The following HLA-DQB1 variants were observed in gnomAD, a reference collection of about 807,000 sequenced individuals.
The protein encoded by HLA-DQB1 is major histocompatibility complex, class II, DQ beta 1.
A neutral mutation model predicts 26.4 loss-of-function variants in HLA-DQB1; 13 were observed. The ratio of observed to expected loss-of-function variants is 0.49; its 90% CI spans 0.32 to 0.78. The LOEUF (loss-of-function observed/expected upper bound fraction) is 0.78, where lower values mean the gene tolerates loss of function less well. HLA-DQB1 is among the 30% of genes least tolerant of loss of function. HLA-DQB1 has a pLI of 0.03. For synonymous variants in HLA-DQB1, 60 were observed against 129.1 expected (o/e 0.46, Z 3.63); for missense variants, 158 against 326.2 (o/e 0.48, Z 3.97).
exon 3 of HLA-DQB1, chr6:32,661,981 A>G (rs762561499): frequency 1.4e-5 from 22 of 1,551,022 alleles, no homozygotes; most frequent in Admixed American, 1.9e-5. Context: ...CTCCACGGTG[A>G]TGGGGCTCTG....
At chr6:32,665,180 C>G (rs9274418) in intron 1 of HLA-DQB1, 113 bp from the exon 2 acceptor site, 84,608 of 541,776 alleles carry the variant, frequency 0.16, 15,240 homozygotes, top group Middle Eastern at 0.3. Flanking sequence ...AGTTCCCGCC[C>G]GCCCGTGCCT....
chr6:32,662,499 T>G (rs9274150), intron 2 of HLA-DQB1: 1 of 147,202 alleles, frequency 6.8e-6, no homozygotes, highest in Admixed American at 1.6e-4. Flanking sequence ...AAAAGAATGT[T>G]ATTTCAAAAG....
chr6:32,666,029 A>C (rs281861240), intron 1 of HLA-DQB1, among the ~76,000 whole-genome samples: 1 of 113,776 alleles, frequency 8.8e-6, no homozygotes. Context: ...TTGCCTCCAC[A>C]AATGCTCCAC....
At chr6:32,666,500 G>C in exon 1 of HLA-DQB1, 2 of 1,056,968 alleles carry the variant, frequency 1.9e-6, no homozygotes, top group South Asian at 1.5e-5. Flanking sequence ...TGCACTTACC[G>C]GGAGAGTCTC....
In HLA-DQB1 at chr6:32,661,884, G is replaced by A. The variant is rs1783089242; in HGVS notation, c.661+83C>T. 27 of 1,051,272 alleles carry A rather than the reference G, an allele frequency of 2.6e-5. 1 individual carries two copies. The Admixed American group carries it at 5.8e-4, about 23-fold the overall frequency. 65.1% of individuals were successfully genotyped at this position (1,051,272 alleles called of 1,614,324 possible). A position where few individuals can be genotyped will look rare whatever the true frequency, so the allele number is the denominator to read the frequency against. ...GATTCCCAGCTCAGTAGTGACATCAGGGATAAGAGATGGGAAGGAATGGGT... is the reference window on the plus strand; with the variant it reads ...GATTCCCAGCTCAGTAGTGACATCAAGGATAAGAGATGGGAAGGAATGGGT... On this transcript the variant is annotated intron_variant, in intron 3 of 4. Transcript: ENST00000434651.
At chr6:32,663,305 G>A (rs281863395) in intron 2 of HLA-DQB1, 1 of 151,388 alleles carries the variant, frequency 6.6e-6, no homozygotes, top group Non-Finnish European at 1.5e-5. Flanking sequence ...GCATTAGGAT[G>A]TGAGTCAAAA....
chr6:32,663,302 G>C (rs72844333), intron 2 of HLA-DQB1: 1 of 150,882 alleles, frequency 6.6e-6, no homozygotes. Flanking sequence ...CTGGCATTAG[G>C]ATGTGAGTCA....
intron 2 of HLA-DQB1, chr6:32,663,412 G>GGGACAAAAGTATCATTTTGT (rs1783406446): frequency 1.2e-5 from 1 of 83,640 alleles, no homozygotes; most frequent in Non-Finnish European, 2.7e-5. Context: ...AATTTTCAAT[G>GGGACAAAAGTATCATTTTGT]CCGCATTAAC....
chr6:32,661,629 T>C (rs9273752), intron 3 of HLA-DQB1, 172 bp from the exon 4 acceptor site: 2 of 450,764 alleles, frequency 4.4e-6, no homozygotes, highest in African/African-American at 2.2e-5. Flanking sequence ...TTGGATACAG[T>C]GAATAGGTGA....
chr6:32,663,566 T>A (rs9274251), intron 2 of HLA-DQB1: 105 of 147,844 alleles, frequency 7.1e-4, no homozygotes, highest in African/African-American at 2.6e-3. Context: ...TCTTGGTGAG[T>A]AATTGTGGGC....
intron 1 of HLA-DQB1, among the ~76,000 whole-genome samples, chr6:32,665,728 A>ATATCCATATTGG (rs370481100): frequency 7.2e-6 from 1 of 139,700 alleles, no homozygotes; most frequent in African/African-American, 2.6e-5. Flanking sequence ...CAGGTTATGT[A>ATATCCATATTGG]ACAGAATATC....
chr6:32,666,111 A>C (rs281861174), intron 1 of HLA-DQB1, among the ~76,000 whole-genome samples: 1 of 87,228 alleles, frequency 1.1e-5, no homozygotes, highest in African/African-American at 3.9e-5. Context: ...CACATTTTCC[A>C]ATGCAGGATC....
exon 4 of HLA-DQB1, chr6:32,661,364 C>T (rs1140342): frequency 0.46 from 467,884 of 1,011,366 alleles, 152,960 homozygotes; most frequent in Admixed American, 0.66. Context: ...ACTCCTTTGA[C>T]GGATGATAAG....
chr6:32,665,101 C>CGGCCTGGCCCT (rs1562014825), intron 1 of HLA-DQB1, 34 bp from the exon 2 acceptor site: 1 of 1,113,574 alleles, frequency 9.0e-7, no homozygotes, highest in Non-Finnish European at 1.2e-6. Flanking sequence ...AGTCAGGCCC[C>CGGCCTGGCCCT]AGCCCGGCCG....
chr6:32,664,560 ACGG>A (rs749954422), intron 2 of HLA-DQB1: 10,276 of 212,332 alleles, frequency 0.048, 2,337 homozygotes, highest in South Asian at 0.12. Context: ...AGGCCGACGG[ACGG>A]GGAGGCTGGG....
intron 1 of HLA-DQB1, among the ~76,000 whole-genome samples, chr6:32,665,420 T>A (rs28746811): frequency 0.25 from 30,911 of 123,388 alleles, 6,686 homozygotes; most frequent in East Asian, 0.32. Flanking sequence ...AGCTCCTGGA[T>A]ACCTCAGAGA....
chr6:32,660,773 G>GAGA (rs1782902077), intron 4 of HLA-DQB1: 7 of 708,512 alleles, frequency 9.9e-6, no homozygotes, highest in Non-Finnish European at 1.6e-5. Context: ...CCATGAACAT[G>GAGA]GACCACTGTG....
intron 1 of HLA-DQB1, among the ~76,000 whole-genome samples, chr6:32,666,032 T>C (rs9274483): frequency 0.68 from 62,510 of 91,762 alleles, 22,495 homozygotes; most frequent in East Asian, 0.89. Flanking sequence ...CCTCCACAAA[T>C]GCTCCACTCG....
At chr6:32,660,899 T>C in intron 4 of HLA-DQB1, 4 of 1,519,154 alleles carry the variant, frequency 2.6e-6, no homozygotes, top group Non-Finnish European at 3.5e-6. Context: ...AAGGAAGTTA[T>C]GCAGAGAAAG....
Sources: allele counts gnomAD v4.1 joint callset (sites outside exome capture counted in the v4.1 genomes callset), GRCh38; gene constraint gnomAD v4.1.1; transcripts MANE v1.5; gene names NCBI Gene and HGNC (gene_info 2026-07-23, HGNC 2026-07-21).